Variants in PCSK5 observed in about 807,000 individuals in gnomAD.
PCSK5 encodes the protein proprotein convertase subtilisin/kexin type 5.
PCSK5 carries 129 observed loss-of-function variants against 233.2 expected under a neutral mutation model. That is an observed-to-expected ratio of 0.55 (90% CI 0.48 to 0.64). The LOEUF is 0.64. PCSK5 is among the 30% of genes least tolerant of loss of function. The pLI, the probability that PCSK5 is intolerant of heterozygous loss-of-function variation, is 0.00. For synonymous variants in PCSK5, 825 were observed against 879.2 expected (o/e 0.94, Z 1.09); for missense variants, 2,076 against 2,430.1 (o/e 0.85, Z 3.06).
intron 3 of PCSK5, among the ~76,000 whole-genome samples, chr9:76,002,658 T>C (rs1027740461): frequency 6.6e-6 from 1 of 152,184 alleles, no homozygotes; most frequent in Non-Finnish European, 1.5e-5. Flanking sequence ...AGCAAAACAT[T>C]GTGTCCATCG....
intron 20 of PCSK5, among the ~76,000 whole-genome samples, chr9:76,204,365 C>A (rs899563653): frequency 3.3e-5 from 5 of 152,156 alleles, no homozygotes; most frequent in African/African-American, 9.7e-5. Flanking sequence ...ATACAGGATC[C>A]ATTAACATGT....
chr9:76,047,564 T>A (rs1829467186), intron 5 of PCSK5, among the ~76,000 whole-genome samples: 1 of 152,064 alleles, frequency 6.6e-6, no homozygotes, highest in African/African-American at 2.4e-5. Flanking sequence ...AGCAAACCAA[T>A]TTTGCATTTG....
chr9:75,902,884 T>G (rs1210715610), intron 1 of PCSK5, among the ~76,000 whole-genome samples: 1 of 152,196 alleles, frequency 6.6e-6, no homozygotes, highest in Non-Finnish European at 1.5e-5. Flanking sequence ...AACTCCCATA[T>G]TTGGTTTAAA....
At chr9:75,997,830 C>A (rs1476508948) in intron 3 of PCSK5, among the ~76,000 whole-genome samples, 1 of 152,164 alleles carries the variant, frequency 6.6e-6, no homozygotes, top group East Asian at 1.9e-4. Flanking sequence ...TGGATGGTGT[C>A]TATTCAAACA....
intron 9 of PCSK5, among the ~76,000 whole-genome samples, chr9:76,120,659 CATT>C (rs1016517546): frequency 2.3e-4 from 33 of 146,630 alleles, no homozygotes; most frequent in African/African-American, 7.9e-4. Flanking sequence ...CTTTAACTCA[CATT>C]ATATTATAGC....
chr9:76,098,160 A>G (rs972914032), intron 8 of PCSK5, among the ~76,000 whole-genome samples: 2 of 152,184 alleles, frequency 1.3e-5, no homozygotes, highest in Non-Finnish European at 2.9e-5. Context: ...TTCTTTAGTT[A>G]CATTTTGTAG....
At chr9:76,172,051 T>G in intron 13 of PCSK5, among the ~76,000 whole-genome samples, 1 of 152,198 alleles carries the variant, frequency 6.6e-6, no homozygotes, top group East Asian at 1.9e-4. Flanking sequence ...GAATAGAAAT[T>G]CAGTTGGATC....
chr9:76,284,518 C>CTTTTTT (rs35359559), intron 24 of PCSK5, among the ~76,000 whole-genome samples: 1 of 127,290 alleles, frequency 7.9e-6, no homozygotes. Flanking sequence ...CCATTAAACC[C>CTTTTTT]TTTTTTTTTT....
In PCSK5 at chr9:75,938,112, G is replaced by A. The variant is rs541952648; in HGVS notation, c.297+5629G>A. ...CACAGCTTGGCTGTTTGGCTCAAGA[G>A]GCCTGGGTTTCTGCCTATGCTGGCT... On this transcript the variant is annotated intron_variant, in intron 2 of 37. Transcript: ENST00000674117. Among the ~76,000 whole-genome samples the A allele has an allele frequency of 9.7e-4, 147 of 152,288 alleles. 2 individuals are homozygous for A. Among genetic ancestry groups the A allele is most frequent in the African/African-American group, 3.4e-3 (141 of 41,546 alleles).
At chr9:76,080,860 T>C (rs1830808447) in intron 7 of PCSK5, among the ~76,000 whole-genome samples, 1 of 152,194 alleles carries the variant, frequency 6.6e-6, no homozygotes, top group South Asian at 2.1e-4. Context: ...CTATTTAAAA[T>C]GGGCAAAGGT....
intron 20 of PCSK5, among the ~76,000 whole-genome samples, chr9:76,220,168 G>T (rs1265010423): frequency 6.6e-6 from 1 of 152,174 alleles, no homozygotes; most frequent in Non-Finnish European, 1.5e-5. Context: ...CGTTTTTCAT[G>T]ATTTTCCTCA....
At chr9:75,938,333 A>G (rs539682210) in intron 2 of PCSK5, among the ~76,000 whole-genome samples, 1 of 152,220 alleles carries the variant, frequency 6.6e-6, no homozygotes, top group African/African-American at 2.4e-5. Context: ...CAGTCAGTCT[A>G]GAGCAGTCAG....
At chr9:76,316,339 T>A (rs1234094072) in intron 30 of PCSK5, among the ~76,000 whole-genome samples, 1 of 152,126 alleles carries the variant, frequency 6.6e-6, no homozygotes, top group African/African-American at 2.4e-5. Flanking sequence ...CCAAAGGTTT[T>A]GAGGTTAGCC....
chr9:76,179,510 A>AT (rs1402502223), intron 14 of PCSK5, 86 bp from the exon 15 acceptor site: 3 of 893,710 alleles, frequency 3.4e-6, no homozygotes, highest in Non-Finnish European at 3.5e-6. Context: ...GAAAAAAAAA[A>AT]GTCTTATTTT....
chr9:76,320,103 G>A (rs1378196295), intron 30 of PCSK5, among the ~76,000 whole-genome samples: 1 of 151,990 alleles, frequency 6.6e-6, no homozygotes, highest in Admixed American at 6.6e-5. Context: ...TGATGGTAGT[G>A]GTCCCCCGAG....
chr9:76,006,732 A>C (rs753981381), intron 3 of PCSK5, among the ~76,000 whole-genome samples: 31 of 152,202 alleles, frequency 2.0e-4, no homozygotes, highest in Admixed American at 5.9e-4. Context: ...TGGTTGGACA[A>C]AACACATCGG....
chr9:76,273,781 T>C (rs1827605790), intron 24 of PCSK5, among the ~76,000 whole-genome samples: 1 of 150,802 alleles, frequency 6.6e-6, no homozygotes, highest in African/African-American at 2.4e-5. Context: ...TACAGGTGCA[T>C]GCTATCATAC....
chr9:76,010,431 T>A (rs763506480), intron 3 of PCSK5, among the ~76,000 whole-genome samples: 1 of 152,068 alleles, frequency 6.6e-6, no homozygotes, highest in Non-Finnish European at 1.5e-5. Flanking sequence ...TTTGTTTGTC[T>A]TAGTTAGAAT....
chr9:75,962,476 G>C (rs1417595435), intron 2 of PCSK5, among the ~76,000 whole-genome samples: 2 of 152,148 alleles, frequency 1.3e-5, no homozygotes, highest in Non-Finnish European at 2.9e-5. Flanking sequence ...CTAGGAATGC[G>C]GTAGAGTGGC....
Sources: gnomAD v4.1 joint callset for allele counts (sites outside exome capture counted in the v4.1 genomes callset) on GRCh38, gnomAD v4.1.1 for gene constraint, MANE v1.5 for transcripts, NCBI Gene and HGNC (gene_info 2026-07-23, HGNC 2026-07-21) for gene names.